The following NXPE3 variants were observed in gnomAD, a reference collection of about 807,000 sequenced individuals.
The protein encoded by NXPE3 is neurexophilin and PC-esterase domain family member 3.
NXPE3 carries 26 observed loss-of-function variants against 46.1 expected under a neutral mutation model. That is an observed-to-expected ratio of 0.56 (90% confidence interval 0.41 to 0.78). The LOEUF (loss-of-function observed/expected upper bound fraction) is 0.78. NXPE3 is among the 30% of genes least tolerant of loss of function. The pLI, the probability that NXPE3 is intolerant of heterozygous loss-of-function variation, is 0.00. For synonymous variants in NXPE3, 272 were observed against 257.9 expected (o/e 1.05, Z -0.52); for missense variants, 620 against 686.0 (o/e 0.90, Z 1.07).
At chr3:101,779,429 T>TC (rs1939680192) in intron 1 of NXPE3, 105 bp downstream of exon 1, 2 of 152,452 alleles carry the variant, frequency 1.3e-5, no homozygotes, top group South Asian at 4.1e-4. Flanking sequence ...GCGAAGCCCC[T>TC]CCCTCCGCGC....
At chr3:101,821,306 A>T (rs1192723381) in intron 7 of NXPE3, 98 bp from the exon 8 acceptor site, 3 of 400,668 alleles carry the variant, frequency 7.5e-6, no homozygotes, top group Admixed American at 4.8e-5. Flanking sequence ...TGTTGTACTT[A>T]AAAAAAAATT....
chr3:101,783,459 C>G (rs1190532020), intron 3 of NXPE3, among the ~76,000 whole-genome samples: 2 of 152,226 alleles, frequency 1.3e-5, no homozygotes, highest in African/African-American at 4.8e-5. Flanking sequence ...GCTCTACTTA[C>G]AGCACAGAGT....
intron 4 of NXPE3, among the ~76,000 whole-genome samples, chr3:101,794,849 C>T (rs984170372): frequency 6.6e-6 from 1 of 152,142 alleles, no homozygotes; most frequent in South Asian, 2.1e-4. Context: ...TACTTAATGC[C>T]AGCTAAAGGC....
intron 4 of NXPE3, among the ~76,000 whole-genome samples, chr3:101,800,767 C>T (rs943107510): frequency 2.0e-5 from 3 of 151,688 alleles, no homozygotes; most frequent in Non-Finnish European, 4.4e-5. Flanking sequence ...TCTTTGCTAA[C>T]CTTCCTTGCT....
rs1416798431 is a variant in NXPE3, at chr3:101,824,636, A to G, written c.*2682A>G. On this transcript the variant is annotated 3_prime_UTR_variant, in exon 8 of 8. Transcript: ENST00000273347. ...TTTTGTATCTTTTTGTAGAGACTAC[A>G]TTTTGCCATGTTGTCCAGGCTGGTC... 6.6e-6 allele frequency: 1 copy of G among 152,040 alleles called. No homozygotes were observed. Among genetic ancestry groups the G allele is most frequent in the Non-Finnish European group, 1.5e-5 (1 of 68,082 alleles). 9.4% of individuals were successfully genotyped at this position (152,040 alleles called of 1,614,324 possible).
intron 6 of NXPE3, among the ~76,000 whole-genome samples, chr3:101,811,615 C>T (rs543044755): frequency 2.6e-5 from 4 of 152,100 alleles, no homozygotes; most frequent in East Asian, 1.9e-4. Context: ...TGGAGTCAGA[C>T]TTAGAGTAGG....
chr3:101,807,601 GA>G (rs1941479492), intron 6 of NXPE3, among the ~76,000 whole-genome samples: 1 of 151,912 alleles, frequency 6.6e-6, no homozygotes, highest in Admixed American at 6.6e-5. Context: ...TGGGATTACA[GA>G]CATGTGCACG....
rs1203359595 is a variant in NXPE3 at position 101,801,456 on chromosome 3, C to G, written c.315C>G (p.Ser105=). 6.2e-7 allele frequency: 1 copy of G among 1,614,158 alleles called. No homozygotes were observed. The highest frequency in any genetic ancestry group is 1.7e-5 in the Admixed American group (1 of 60,018). ...TTGTGAAGAGCACTGACCCTTCTTC[C>G]AGCTACTTTGTCATCTTGAACTCTG... ...VPFVKSTDPS[S]SYFVILNSAA... is the part of the protein sequence containing the mutation. Residue 105 remains serine, a synonymous_variant, in exon 5 of 8, where the codon TCC becomes TCG. Coordinates refer to ENST00000273347, the MANE Select transcript of NXPE3 (RefSeq NM_145037.4).
intron 5 of NXPE3, among the ~76,000 whole-genome samples, chr3:101,806,674 A>T (rs1314814993): frequency 2.6e-5 from 4 of 152,138 alleles, no homozygotes; most frequent in Non-Finnish European, 5.9e-5. Context: ...CTGATACATG[A>T]CTTAATGCAG....
intron 7 of NXPE3, among the ~76,000 whole-genome samples, chr3:101,817,595 G>A (rs549473888): frequency 7.9e-5 from 12 of 152,098 alleles, no homozygotes; most frequent in Admixed American, 2.0e-4. Flanking sequence ...TTCTCTGCTT[G>A]GCTCTGGGGC....
intron 7 of NXPE3, among the ~76,000 whole-genome samples, chr3:101,818,750 TATA>T (rs555752624): frequency 5.6e-3 from 93 of 16,720 alleles, no homozygotes; most frequent in South Asian, 7.6e-3. Context: ...TATATATATA[TATA>T]TTTTTTTTTT....
At chr3:101,807,251 T>A in intron 6 of NXPE3, 125 bp downstream of exon 6, 1 of 659,898 alleles carries the variant, frequency 1.5e-6, no homozygotes. Flanking sequence ...TTGAAAATAT[T>A]AAAAGTACTG....
intron 6 of NXPE3, among the ~76,000 whole-genome samples, chr3:101,809,448 G>A (rs1232537626): frequency 6.6e-6 from 1 of 152,068 alleles, no homozygotes; most frequent in East Asian, 1.9e-4. Context: ...TTCATTCTAT[G>A]CAAACATTCT....
intron 4 of NXPE3, among the ~76,000 whole-genome samples, chr3:101,799,479 T>C (rs1941021107): frequency 6.6e-6 from 1 of 152,128 alleles, no homozygotes; most frequent in African/African-American, 2.4e-5. Context: ...CAGCCTGGAG[T>C]GCAGTGGCGC....
At position 101,827,496 on chromosome 3, in the gene NXPE3, A is replaced by G. The variant is rs932116701; in HGVS notation, c.*5542A>G. The G allele has an allele frequency of 2.6e-5, 4 of 152,202 alleles. No individual in the cohort carries two copies. Among genetic ancestry groups the G allele is most frequent in the Admixed American group, 6.5e-5 (1 of 15,288 alleles). The allele number at this position is 152,202 out of a possible 1,614,324, so 9.4% of individuals were successfully genotyped here. A position where few individuals can be genotyped will look rare whatever the true frequency, so the allele number is the denominator to read the frequency against. On this transcript the variant is annotated 3_prime_UTR_variant, in exon 8 of 8. Transcript: ENST00000273347. Reference sequence around the variant, plus strand: ...TTTTGATTGCCGTATTGTAAAAGCTATATGGTAAAAGGTAACTCCCTCCAC... The same window carrying G: ...TTTTGATTGCCGTATTGTAAAAGCTGTATGGTAAAAGGTAACTCCCTCCAC...
chr3:101,780,322 T>C (rs769549512), intron 1 of NXPE3, among the ~76,000 whole-genome samples: 6 of 152,220 alleles, frequency 3.9e-5, no homozygotes, highest in Non-Finnish European at 2.9e-5. Context: ...CACAATCTCT[T>C]TGGGGCCAAT....
chr3:101,795,349 G>A (rs888497708), intron 4 of NXPE3, among the ~76,000 whole-genome samples: 9 of 151,944 alleles, frequency 5.9e-5, no homozygotes, highest in African/African-American at 9.7e-5. Flanking sequence ...CGAAACCCCC[G>A]TCTCTACTAA....
rs573986673 is a variant in NXPE3 at position 101,779,607 on chromosome 3, CGGCGG to C, written c.-498+302_-498+306del. 13 of 147,858 alleles carry C rather than the reference CGGCGG, an allele frequency of 8.8e-5. No homozygotes were observed. In the South Asian group the frequency reaches 1.2e-3, roughly 13 times the overall value. The allele number at this position is 147,858 out of a possible 1,614,324, so 9.2% of individuals were successfully genotyped here. A position where few individuals can be genotyped will look rare whatever the true frequency, so the allele number is the denominator to read the frequency against. On this transcript the variant is annotated intron_variant, in intron 1 of 7. Coordinates refer to ENST00000273347, the MANE Select transcript of NXPE3 (RefSeq NM_145037.4). Reference sequence around the variant, plus strand: ...AAGAAGCCGGAGCCCAGGCTAGTACCGGCGGGGCGGGGCGGGGCGGGGCCGGGAGC... The same window carrying C: ...AAGAAGCCGGAGCCCAGGCTAGTACCGGCGGGGCGGGGCGGGGCCGGGAGC...
intron 4 of NXPE3, among the ~76,000 whole-genome samples, chr3:101,788,424 T>G (rs1940315029): frequency 6.6e-6 from 1 of 152,252 alleles, no homozygotes; most frequent in African/African-American, 2.4e-5. Flanking sequence ...CCTGTGTATT[T>G]GGTGTCATAT....
Sources: allele counts gnomAD v4.1 joint callset (sites outside exome capture counted in the v4.1 genomes callset), GRCh38; gene constraint gnomAD v4.1.1; transcripts MANE v1.5; gene names NCBI Gene and HGNC (gene_info 2026-07-23, HGNC 2026-07-21).